Variants in IKBKB observed in about 807,000 individuals in gnomAD.
IKBKB encodes the protein inhibitor of nuclear factor kappa B kinase subunit beta.
Under a neutral mutation model 113.6 loss-of-function variants are expected in IKBKB, and 42 were observed. That is an observed-to-expected ratio of 0.37 (90% CI 0.29 to 0.48). The LOEUF is 0.48. Ranked by LOEUF, IKBKB falls within the 20% of genes least tolerant of loss-of-function variation. The pLI is 0.99. For synonymous variants in IKBKB, 296 were observed against 361.3 expected (o/e 0.82, Z 2.05); for missense variants, 673 against 939.7 (o/e 0.72, Z 3.71).
chr8:42,319,857 A>G, intron 15 of IKBKB: 1 of 516,356 alleles, frequency 1.9e-6, no homozygotes, highest in Non-Finnish European at 3.4e-6. Flanking sequence ...AGCTGCATGA[A>G]TGGACAGAGA....
At position 42,331,270 on chromosome 8, in the gene IKBKB, G is replaced by A. The variant is rs1821657851; in HGVS notation, c.*291G>A. On this transcript the variant is annotated 3_prime_UTR_variant, in exon 22 of 22. Transcript: ENST00000520810. ...CACACTGGAGGTCCTCCATTACAGAGGCCCAGCGCACATCGCTGGCCCCAC... is the reference window on the plus strand; with the variant it reads ...CACACTGGAGGTCCTCCATTACAGAAGCCCAGCGCACATCGCTGGCCCCAC... 1 of 702,064 alleles carries A rather than the reference G, an allele frequency of 1.4e-6. No homozygotes were observed. The highest frequency in any genetic ancestry group is 2.0e-5 in the Admixed American group (1 of 50,002). The allele number at this position is 702,064 out of a possible 1,614,324, so 43.5% of individuals were successfully genotyped here.
intron 2 of IKBKB, among the ~76,000 whole-genome samples, chr8:42,282,534 A>T (rs1810585039): frequency 6.6e-6 from 1 of 152,180 alleles, no homozygotes; most frequent in Admixed American, 6.5e-5. Context: ...TTTGTCCTTC[A>T]CGAGGAGTTC....
intron 2 of IKBKB, among the ~76,000 whole-genome samples, chr8:42,284,307 G>T (rs1312957423): frequency 1.3e-5 from 2 of 152,146 alleles, no homozygotes; most frequent in South Asian, 2.1e-4. Context: ...TGATGTCCTG[G>T]CGCAGTGGCT....
At position 42,307,432 on chromosome 8, in the gene IKBKB, G is replaced by A. The variant is rs535248592; in HGVS notation, c.567+1000G>A. 1.1e-3 allele frequency among the ~76,000 whole-genome samples: 175 copies of A among 152,326 alleles called. 1 individual carries two copies. The highest frequency in any genetic ancestry group is 2.0e-3 in the Non-Finnish European group (133 of 68,026). ...GGGAGAAGGAGCAACTCTTTGGAAAGCCCACTCCTGACACTGTGTGGAGAA... is the reference window on the plus strand; with the variant it reads ...GGGAGAAGGAGCAACTCTTTGGAAAACCCACTCCTGACACTGTGTGGAGAA... On this transcript the variant is annotated intron_variant, in intron 7 of 21. Coordinates refer to ENST00000520810, the MANE Select transcript of IKBKB (RefSeq NM_001556.3).
At position 42,320,838 on chromosome 8, in the gene IKBKB, A is replaced by G. The variant is rs1819634314; in HGVS notation, c.1682A>G (p.Asp561Gly). ...PMGRKQGGTL[D>G]DLEEQARELY... ...GGCCGGAAGCAGGGGGGAACGCTGGACGACCTGTGAGTACTGGCTGGGGGG... is the reference window on the plus strand; with the variant it reads ...GGCCGGAAGCAGGGGGGAACGCTGGGCGACCTGTGAGTACTGGCTGGGGGG... The change falls in exon 16 of 22, where the codon GAC becomes GGC. Residue 561 changes from aspartate to glycine, a missense_variant. This residue lies in a region of IKBKB where 506 missense variants were observed against 638.7 expected (regional missense o/e 0.79). Coordinates refer to ENST00000520810, the MANE Select transcript of IKBKB (RefSeq NM_001556.3). 1 of 1,587,992 alleles carries G rather than the reference A, an allele frequency of 6.3e-7. No individual in the cohort carries two copies. The highest frequency in any genetic ancestry group is 2.3e-5 in the East Asian group (1 of 44,178).
chr8:42,306,255 C>T (rs2130532720), intron 6 of IKBKB, 88 bp from the exon 7 acceptor site: 2 of 810,976 alleles, frequency 2.5e-6, no homozygotes, highest in Non-Finnish European at 4.2e-6. Context: ...TTCAGAAATA[C>T]CTCTGCTCTA....
At chr8:42,288,749 G>A (rs1370087913) in intron 3 of IKBKB, 21 bp downstream of exon 3, 17 of 1,580,040 alleles carry the variant, frequency 1.1e-5, no homozygotes, top group Non-Finnish European at 1.5e-5. Flanking sequence ...CGCGCATAGG[G>A]ACCCAAGGGA....
At chr8:42,321,548 G>T (rs796795128) in intron 16 of IKBKB, 61 of 220,786 alleles carry the variant, frequency 2.8e-4, no homozygotes, top group African/African-American at 1.3e-3. Context: ...AAGAGACAGG[G>T]TCTTGCCCTG....
Position 42,288,526 on chromosome 8 carries a change from G to A in IKBKB, c.106-108G>A, listed in dbSNP as rs907646673. 5.6e-6 allele frequency: 4 copies of A among 720,420 alleles called. No individual in the cohort carries two copies. In the Admixed American group the frequency reaches 7.0e-5, roughly 13 times the overall value. 44.6% of individuals were successfully genotyped at this position (720,420 alleles called of 1,614,324 possible). ...TACATGTGACCTTGGAGCACCAGGAGGTGATTGCAGGTAACGCTTGGGGCC... is the reference window on the plus strand; with the variant it reads ...TACATGTGACCTTGGAGCACCAGGAAGTGATTGCAGGTAACGCTTGGGGCC... On this transcript the variant is annotated intron_variant, in intron 2 of 21. Transcript: ENST00000520810.
rs1406542618 is a variant in IKBKB at position 42,317,344 on chromosome 8, CCTT to C, written c.1126-310_1126-308del. ...AAGACATGACCTCTGCTCAAAAAGACCTTCTCAGCTGACTTGTGGAGCTAAAGT... is the reference window on the plus strand; with the variant it reads ...AAGACATGACCTCTGCTCAAAAAGACCTCAGCTGACTTGTGGAGCTAAAGT... On this transcript the variant is annotated intron_variant, in intron 11 of 21. Transcript: ENST00000520810. 23 of 440,402 alleles carry C rather than the reference CCTT, an allele frequency of 5.2e-5. No homozygotes were observed. In the South Asian group the frequency reaches 5.3e-4, roughly 10 times the overall value. The allele number at this position is 440,402 out of a possible 1,614,324, so 27.3% of individuals were successfully genotyped here.
intron 2 of IKBKB, among the ~76,000 whole-genome samples, chr8:42,287,344 A>G (rs1811627958): frequency 1.3e-5 from 2 of 152,254 alleles, no homozygotes; most frequent in South Asian, 4.1e-4. Context: ...CTATAATTTA[A>G]CAAAGAGAAG....
rs75197821 is a variant in IKBKB at position 42,285,569 on chromosome 8, A to G, written c.106-3065A>G. On this transcript the variant is annotated intron_variant, in intron 2 of 21. Coordinates refer to ENST00000520810, the MANE Select transcript of IKBKB (RefSeq NM_001556.3). Reference sequence around the variant, plus strand: ...GACCCTGTCTCTAAAAAGAAAAAATAGCAACAGGTTTTACAATTGTTGAGA... The same window carrying G: ...GACCCTGTCTCTAAAAAGAAAAAATGGCAACAGGTTTTACAATTGTTGAGA... Among the ~76,000 whole-genome samples the G allele has an allele frequency of 6.5e-3, 983 of 152,314 alleles. 2 individuals are homozygous for G. Among genetic ancestry groups the G allele is most frequent in the Non-Finnish European group, 0.011 (742 of 68,036 alleles).
At chr8:42,295,725 GA>G (rs936045640) in intron 5 of IKBKB, among the ~76,000 whole-genome samples, 3,171 of 142,942 alleles carry the variant, frequency 0.022, 60 homozygotes, top group African/African-American at 0.064. Flanking sequence ...ACTCCATCTT[GA>G]AAAAAAAAAA....
intron 19 of IKBKB, 36 bp from the exon 20 acceptor site, chr8:42,325,934 A>C: frequency 1.9e-6 from 3 of 1,612,460 alleles, no homozygotes; most frequent in Non-Finnish European, 2.5e-6. Context: ...GTGATTCATC[A>C]CTTGGCTCCT....
intron 2 of IKBKB, among the ~76,000 whole-genome samples, chr8:42,280,567 C>T (rs1206861763): frequency 6.6e-6 from 1 of 152,120 alleles, no homozygotes; most frequent in Non-Finnish European, 1.5e-5. Flanking sequence ...CCACTTTTTG[C>T]ATGGATTATG....
chr8:42,280,807 TC>T (rs1308419181), intron 2 of IKBKB, among the ~76,000 whole-genome samples: 1 of 152,052 alleles, frequency 6.6e-6, no homozygotes, highest in African/African-American at 2.4e-5. Flanking sequence ...GTATTAACGA[TC>T]CCTTCTATGA....
At chr8:42,289,748 G>A (rs934712935) in intron 3 of IKBKB, among the ~76,000 whole-genome samples, 13 of 152,104 alleles carry the variant, frequency 8.5e-5, no homozygotes, top group African/African-American at 2.2e-4. Context: ...CCAACCTGCC[G>A]AAAATTAAAC....
chr8:42,325,857 G>A, intron 19 of IKBKB, 113 bp from the exon 20 acceptor site: 2 of 1,547,294 alleles, frequency 1.3e-6, no homozygotes, highest in East Asian at 4.5e-5. Flanking sequence ...AGGCTGTAGG[G>A]TTAGCTCTGG....
At chr8:42,284,746 G>A (rs866693355) in intron 2 of IKBKB, among the ~76,000 whole-genome samples, 6 of 152,098 alleles carry the variant, frequency 3.9e-5, no homozygotes, top group South Asian at 4.1e-4. Flanking sequence ...GCACTGTGGG[G>A]AAGTGAAACC....
Sources: allele counts gnomAD v4.1 joint callset (sites outside exome capture counted in the v4.1 genomes callset), GRCh38; gene constraint gnomAD v4.1.1; regional missense constraint gnomAD v4.1.1; transcripts MANE v1.5; gene names NCBI Gene and HGNC (gene_info 2026-07-23, HGNC 2026-07-21).